Variants in ADARB2 observed in about 807,000 individuals in gnomAD.
The protein encoded by ADARB2 is inactive double-stranded RNA-specific editase B2.
Under a neutral mutation model 62.2 loss-of-function variants are expected in ADARB2, and 25 were observed. That is an observed-to-expected ratio of 0.40 (90% CI 0.29 to 0.56). The LOEUF is 0.56. ADARB2 is among the 20% of genes least tolerant of loss of function. The pLI is 0.43. For missense variants in ADARB2, 1,071 were observed against 1,077.4 expected, an observed-to-expected ratio of 0.99 and a Z score of 0.08; for synonymous variants, 572 against 500.8, an observed-to-expected ratio of 1.14 and a Z score of -1.90.
In ADARB2 at chr10:1,526,452, A is replaced by G. The variant is rs531313171; in HGVS notation, c.101-147292T>C. Among the ~76,000 whole-genome samples the G allele has an allele frequency of 1.1e-3, 167 of 150,652 alleles. 2 individuals carry two copies. The highest frequency in any genetic ancestry group is 1.5e-3 in the Non-Finnish European group (103 of 67,608). ...GGGCCTGGTGGGGGATGCTGGGGTCAGGGGTGGATCCCTCACGATTATCTT... is the reference window on the plus strand; with the variant it reads ...GGGCCTGGTGGGGGATGCTGGGGTCGGGGGTGGATCCCTCACGATTATCTT... On this transcript the variant is annotated intron_variant, in intron 1 of 9. Transcript: ENST00000381312.
chr10:1,279,189 GTTTC>G (rs1362563770), intron 3 of ADARB2, among the ~76,000 whole-genome samples: 1 of 152,156 alleles, frequency 6.6e-6, no homozygotes, highest in Non-Finnish European at 1.5e-5. Context: ...GGCCAGGTCA[GTTTC>G]TTTCTGAGGC....
intron 1 of ADARB2, among the ~76,000 whole-genome samples, chr10:1,579,025 G>A (rs192151461): frequency 2.0e-5 from 3 of 152,282 alleles, no homozygotes; most frequent in East Asian, 3.9e-4. Flanking sequence ...GGTGGATAGC[G>A]AGCGGGATGG....
intron 4 of ADARB2, among the ~76,000 whole-genome samples, chr10:1,253,143 T>C (rs1831050670): frequency 1.3e-5 from 2 of 152,324 alleles, no homozygotes; most frequent in Admixed American, 1.3e-4. Context: ...AAGAAAATAA[T>C]GCGAAGTTCT....
In ADARB2 at chr10:1,255,375, G is replaced by A. The variant is rs1267393380; in HGVS notation, c.1193-13076C>T. 6.6e-6 allele frequency among the ~76,000 whole-genome samples: 1 copy of A among 152,212 alleles called. No individual in the cohort carries two copies. Among genetic ancestry groups the A allele is most frequent in the Non-Finnish European group, 1.5e-5 (1 of 68,046 alleles). On this transcript the variant is annotated intron_variant, in intron 4 of 9. Coordinates refer to ENST00000381312, the MANE Select transcript of ADARB2 (RefSeq NM_018702.4). The surrounding 1 kb of genome is among the most constrained non-coding windows in gnomAD (Gnocchi z 4.7). ...AGCTGACGCTCACCAAGCCTTCTGT[G>A]CCAGGCACATGTGAGCGCTGGGTCT...
intron 5 of ADARB2, 24 bp downstream of exon 5, chr10:1,242,107 T>C: frequency 6.3e-7 from 1 of 1,581,808 alleles, no homozygotes; most frequent in Non-Finnish European, 8.6e-7. Flanking sequence ...CCGCCTTCCC[T>C]GGAGCCCGTC....
At chr10:1,342,082 G>C (rs1832035086) in intron 3 of ADARB2, among the ~76,000 whole-genome samples, 1 of 152,334 alleles carries the variant, frequency 6.6e-6, no homozygotes, top group Middle Eastern at 3.4e-3. Flanking sequence ...AGCTGTGCAG[G>C]AATGTGTGGT....
intron 7 of ADARB2, among the ~76,000 whole-genome samples, chr10:1,214,867 T>C (rs1301389640): frequency 1.3e-5 from 2 of 152,258 alleles, no homozygotes; most frequent in Non-Finnish European, 2.9e-5. Context: ...TTTGGTCCAC[T>C]GTCATTAGGC....
At chr10:1,552,495 C>T (rs1302743791) in intron 1 of ADARB2, among the ~76,000 whole-genome samples, 4 of 152,196 alleles carry the variant, frequency 2.6e-5, no homozygotes, top group Admixed American at 6.5e-5. Flanking sequence ...AGAACATGGG[C>T]GGCTGTCCTG....
At chr10:1,505,487 G>A (rs1358622896) in intron 1 of ADARB2, among the ~76,000 whole-genome samples, 1 of 152,068 alleles carries the variant, frequency 6.6e-6, no homozygotes, top group Non-Finnish European at 1.5e-5. Flanking sequence ...TTTCTCTAAG[G>A]TGTCGTCTGA....
Position 1,219,852 on chromosome 10 carries a change from GTGA to G in ADARB2, c.1514-2736_1514-2734del, listed in dbSNP as rs146255524. Among the ~76,000 whole-genome samples the G allele has an allele frequency of 7.1e-3, 1,060 of 148,552 alleles. 22 individuals carry two copies. The highest frequency in any genetic ancestry group is 0.025 in the African/African-American group (989 of 40,274). ...GATGGTGGTGATGATGATGGTGATG[GTGA>G]TGATGATGGTAATGGTGGTGGTGAT... On this transcript the variant is annotated intron_variant, in intron 6 of 9. Coordinates refer to ENST00000381312, the MANE Select transcript of ADARB2 (RefSeq NM_018702.4).
chr10:1,227,930 TTGATGA>T (rs578216860), intron 6 of ADARB2, among the ~76,000 whole-genome samples: 1 of 152,172 alleles, frequency 6.6e-6, no homozygotes, highest in South Asian at 2.1e-4. Flanking sequence ...CCATATTTGA[TTGATGA>T]TGATGATGAT....
At chr10:1,661,980 C>G (rs999574131) in intron 1 of ADARB2, among the ~76,000 whole-genome samples, 3 of 152,152 alleles carry the variant, frequency 2.0e-5, no homozygotes, top group African/African-American at 7.2e-5. Context: ...GACGCTCTGA[C>G]AGATGAACCT....
chr10:1,413,667 CCCTGGGGCCG>C, intron 1 of ADARB2, among the ~76,000 whole-genome samples: 1 of 152,236 alleles, frequency 6.6e-6, no homozygotes, highest in East Asian at 1.9e-4. Flanking sequence ...CAGGCCCTGC[CCCTGGGGCCG>C]GGCCTTCTGT....
chr10:1,458,220 C>T (rs895799860), intron 1 of ADARB2, among the ~76,000 whole-genome samples: 1 of 152,156 alleles, frequency 6.6e-6, no homozygotes, highest in African/African-American at 2.4e-5. Flanking sequence ...GCAGGAAGAA[C>T]AGCGTGCACC....
At chr10:1,721,802 C>A (rs1835096599) in intron 1 of ADARB2, among the ~76,000 whole-genome samples, 2 of 152,110 alleles carry the variant, frequency 1.3e-5, no homozygotes, top group African/African-American at 4.8e-5. Context: ...CTCATCCCAG[C>A]CCTTGGTCAG....
rs1460389711 is a variant in ADARB2 at position 1,416,910 on chromosome 10, G to A, written c.101-37750C>T. Among the ~76,000 whole-genome samples the A allele has an allele frequency of 2.0e-5, 3 of 152,244 alleles. No individual in the cohort carries two copies. In the East Asian group the frequency reaches 5.8e-4, roughly 29 times the overall value. On this transcript the variant is annotated intron_variant, in intron 1 of 9. Coordinates refer to ENST00000381312, the MANE Select transcript of ADARB2 (RefSeq NM_018702.4). ...ATGACCATCCACAGCTGAGAAGGGAGGTGGGTGCAGCACGGGTCCCCCTGA... is the reference window on the plus strand; with the variant it reads ...ATGACCATCCACAGCTGAGAAGGGAAGTGGGTGCAGCACGGGTCCCCCTGA...
chr10:1,339,299 T>G (rs895073290), intron 3 of ADARB2, among the ~76,000 whole-genome samples: 2 of 152,246 alleles, frequency 1.3e-5, no homozygotes, highest in African/African-American at 2.4e-5. Context: ...CATGGCTAAG[T>G]GCATCCTGCA....
chr10:1,227,940 T>C (rs1371419073), intron 6 of ADARB2, among the ~76,000 whole-genome samples: 2 of 152,204 alleles, frequency 1.3e-5, no homozygotes, highest in East Asian at 3.9e-4. Flanking sequence ...TTGATGATGA[T>C]GATGATAGTG....
chr10:1,195,996 C>T (rs542294479), intron 8 of ADARB2, among the ~76,000 whole-genome samples: 41 of 152,194 alleles, frequency 2.7e-4, no homozygotes, highest in African/African-American at 8.4e-4. Context: ...AGAGGAAGCC[C>T]GCTGCAGCCT....
Sources: allele counts gnomAD v4.1 joint callset (sites outside exome capture counted in the v4.1 genomes callset), GRCh38; gene constraint gnomAD v4.1.1; non-coding constraint Gnocchi (gnomAD v3.1); transcripts MANE v1.5; gene names NCBI Gene and HGNC (gene_info 2026-07-23, HGNC 2026-07-21).